The following DPYSL2 variants were observed in gnomAD, a reference collection of about 807,000 sequenced individuals.
DPYSL2 encodes dihydropyrimidinase-related protein 2.
Under a neutral mutation model 69.9 loss-of-function variants are expected in DPYSL2, and 13 were observed. That is an observed-to-expected ratio of 0.19 (90% CI 0.12 to 0.30). The LOEUF (loss-of-function observed/expected upper bound fraction) is 0.30. Ranked by LOEUF, DPYSL2 falls within the 10% of genes least tolerant of loss-of-function variation. The pLI is 1.00. For missense variants in DPYSL2, 587 were observed against 918.9 expected (o/e 0.64, Z 4.67); for synonymous variants, 326 against 359.1 (o/e 0.91, Z 1.04).
Position 26,548,458 on chromosome 8 carries a change from C to T in DPYSL2, c.355-33511C>T, listed in dbSNP as rs192892031. 3.0e-3 allele frequency: 480 copies of T among 157,652 alleles called. 1 individual carries two copies. Among genetic ancestry groups the T allele is most frequent in the African/African-American group, 0.01 (429 of 41,646 alleles). 9.8% of individuals were successfully genotyped at this position (157,652 alleles called of 1,614,324 possible). A position where few individuals can be genotyped will look rare whatever the true frequency, so the allele number is the denominator to read the frequency against. ...CTTATACTTTGTGTGGATTAAAAGACAATAATCAAGGCCTTTTCCTCTCAG... is the reference window on the plus strand; with the variant it reads ...CTTATACTTTGTGTGGATTAAAAGATAATAATCAAGGCCTTTTCCTCTCAG... On this transcript the variant is annotated intron_variant, in intron 1 of 13. Coordinates refer to ENST00000521913, the MANE Select transcript of DPYSL2 (RefSeq NM_001197293.3).
intron 3 of DPYSL2, among the ~76,000 whole-genome samples, chr8:26,594,557 C>T (rs569305541): frequency 1.3e-5 from 2 of 152,136 alleles, no homozygotes; most frequent in Non-Finnish European, 2.9e-5. Context: ...TCTGTCTGTA[C>T]CTATGGTCTA....
chr8:26,603,944 A>G (rs1478395597), intron 3 of DPYSL2, among the ~76,000 whole-genome samples: 1 of 152,196 alleles, frequency 6.6e-6, no homozygotes, highest in African/African-American at 2.4e-5. Flanking sequence ...TGCTATGAAC[A>G]TGAGTGTGCA....
chr8:26,514,144 G>C lies in DPYSL2; in HGVS notation c.-182G>C. On this transcript the variant is annotated 5_prime_UTR_variant, in exon 1 of 14. Coordinates refer to ENST00000521913, the MANE Select transcript of DPYSL2 (RefSeq NM_001197293.3). This position sits in a 1 kb window ranked among gnomAD's most constrained non-coding sequence, Gnocchi z 8.4. ...GCAGGGAGGGGAGAAGCGGGGTCAG[G>C]GGGAGGGACCGGGAGGGTGGGTCGC... The C allele has an allele frequency of 6.6e-6, 3 of 455,988 alleles. No homozygotes were observed. The highest frequency in any genetic ancestry group is 1.1e-5 in the Non-Finnish European group (3 of 271,252). The allele number at this position is 455,988 out of a possible 1,614,324, so 28.2% of individuals were successfully genotyped here.
intron 3 of DPYSL2, among the ~76,000 whole-genome samples, chr8:26,599,426 CTCTTTG>C (rs1181530024): frequency 6.6e-6 from 1 of 152,140 alleles, no homozygotes; most frequent in Non-Finnish European, 1.5e-5. Context: ...CTTTCTTCTC[CTCTTTG>C]TCTTTAAGGT....
Position 26,627,755 on chromosome 8 carries a change from AC to A in DPYSL2, c.937-116del. ...CATGAGGTCTTGGGATGAGGGCAGA[AC>A]GATCGGCAGTGGTAATTTTCCATCT... On this transcript the variant is annotated intron_variant, in intron 6 of 13. Transcript: ENST00000521913. This position sits in a 1 kb window ranked among gnomAD's most constrained non-coding sequence, Gnocchi z 6.9. 1 of 1,013,616 alleles carries A rather than the reference AC, an allele frequency of 9.9e-7. No homozygotes were observed. 62.8% of individuals were successfully genotyped at this position (1,013,616 alleles called of 1,614,324 possible).
rs1206929480 is a variant in DPYSL2, at chr8:26,580,076, T to A, written c.355-1893T>A. Among the ~76,000 whole-genome samples the A allele has an allele frequency of 2.0e-5, 3 of 150,640 alleles. No homozygotes were observed. The highest frequency in any genetic ancestry group is 4.4e-5 in the Non-Finnish European group (3 of 67,728). The stretch of plus-strand genomic sequence containing the variant: ...AAGAGCCTTCTGGAAGGCACTAGAG[T>A]GAACGGGGGTGTGGTGTTTCACTTT... On this transcript the variant is annotated intron_variant, in intron 1 of 13. Coordinates refer to ENST00000521913, the MANE Select transcript of DPYSL2 (RefSeq NM_001197293.3). The surrounding 1 kb of genome is among the most constrained non-coding windows in gnomAD (Gnocchi z 4.1).
chr8:26,514,315 G>A lies in DPYSL2; in HGVS notation c.-11G>A, dbSNP rs1808233708. The A allele has an allele frequency of 6.9e-7, 1 of 1,440,970 alleles. No individual in the cohort carries two copies. Among genetic ancestry groups the A allele is most frequent in the South Asian group, 1.4e-5 (1 of 69,598 alleles). The allele number at this position is 1,440,970 out of a possible 1,614,324, so 89.3% of individuals were successfully genotyped here. On this transcript the variant is annotated 5_prime_UTR_variant, in exon 1 of 14. Coordinates refer to ENST00000521913, the MANE Select transcript of DPYSL2 (RefSeq NM_001197293.3). The surrounding 1 kb of genome is among the most constrained non-coding windows in gnomAD (Gnocchi z 8.4). Reference sequence around the variant, plus strand: ...GACGGACGGCGAGGACCCTACCCGAGCCCCCGAGCCATGGCCGAGAGAAAG... The same window carrying A: ...GACGGACGGCGAGGACCCTACCCGAACCCCCGAGCCATGGCCGAGAGAAAG...
rs942213423 is a variant in DPYSL2 at position 26,517,251 on chromosome 8, A to G, written c.354+2572A>G. On this transcript the variant is annotated intron_variant, in intron 1 of 13. Coordinates refer to ENST00000521913, the MANE Select transcript of DPYSL2 (RefSeq NM_001197293.3). The surrounding 1 kb of genome is among the most constrained non-coding windows in gnomAD (Gnocchi z 4.2). ...GGGAGAGAATAGGCTTCCTTGACCC[A>G]CATGCCACATGGCTCATGGAAGATG... is the stretch of plus-strand genomic sequence containing the variant. 1.3e-5 allele frequency among the ~76,000 whole-genome samples: 2 copies of G among 152,210 alleles called. No individual in the cohort carries two copies. Among genetic ancestry groups the G allele is most frequent in the African/African-American group, 4.8e-5 (2 of 41,452 alleles).
At chr8:26,584,351 G>C (rs1801551020) in intron 3 of DPYSL2, among the ~76,000 whole-genome samples, 1 of 152,158 alleles carries the variant, frequency 6.6e-6, no homozygotes, top group Non-Finnish European at 1.5e-5. Flanking sequence ...ATAAGTATTT[G>C]ATTGAGATTT....
At chr8:26,539,679 A>G (rs964872910) in intron 1 of DPYSL2, among the ~76,000 whole-genome samples, 2 of 152,152 alleles carry the variant, frequency 1.3e-5, no homozygotes, top group Non-Finnish European at 2.9e-5. Flanking sequence ...AGCTGGGACT[A>G]CAGGGATGCA....
Position 26,605,312 on chromosome 8 carries a change from A to G in DPYSL2, c.629-18831A>G, listed in dbSNP as rs955904938. 7.3e-5 allele frequency among the ~76,000 whole-genome samples: 11 copies of G among 150,910 alleles called. No homozygotes were observed. The highest frequency in any genetic ancestry group is 2.4e-4 in the African/African-American group (10 of 41,112). On this transcript the variant is annotated intron_variant, in intron 3 of 13. Transcript: ENST00000521913. This position sits in a 1 kb window ranked among gnomAD's most constrained non-coding sequence, Gnocchi z 4.1. ...GGGGAGAAAATATAAGATTATTACT[A>G]TTTTTTTTTATTGCCCAGGCTGGAG...
intron 3 of DPYSL2, among the ~76,000 whole-genome samples, chr8:26,594,442 C>T (rs1801812558): frequency 6.6e-6 from 1 of 152,116 alleles, no homozygotes; most frequent in South Asian, 2.1e-4. Context: ...AAATGATCGT[C>T]TACCAAATCT....
chr8:26,552,282 A>G (rs535374821), intron 1 of DPYSL2, among the ~76,000 whole-genome samples: 7 of 152,218 alleles, frequency 4.6e-5, no homozygotes, highest in Non-Finnish European at 8.8e-5. Context: ...CATATATTAG[A>G]AAAGAAGAAA....
chr8:26,521,171 T>A (rs1251667209), intron 1 of DPYSL2, among the ~76,000 whole-genome samples: 2 of 152,228 alleles, frequency 1.3e-5, no homozygotes, highest in Non-Finnish European at 2.9e-5. Context: ...CAGCTGGTGG[T>A]AACCTAGTAC....
intron 1 of DPYSL2, chr8:26,578,130 G>T (rs757523704): frequency 3.8e-6 from 6 of 1,564,268 alleles, no homozygotes; most frequent in Admixed American, 4.1e-5. Flanking sequence ...CCAGCGAAGC[G>T]GTTGCACCCT....
intron 1 of DPYSL2, among the ~76,000 whole-genome samples, chr8:26,539,488 C>T (rs1207224624): frequency 2.0e-5 from 3 of 152,206 alleles, no homozygotes; most frequent in Non-Finnish European, 4.4e-5. Flanking sequence ...CCACTACATA[C>T]ACAGTAACGT....
At chr8:26,630,410 G>A (rs916614654) in intron 7 of DPYSL2, among the ~76,000 whole-genome samples, 1 of 150,314 alleles carries the variant, frequency 6.7e-6, no homozygotes, top group Admixed American at 6.6e-5. Flanking sequence ...GCTTTGTTCC[G>A]CCCTGAAACA....
chr8:26,654,066 G>C lies in DPYSL2; in HGVS notation c.1942+669G>C, dbSNP rs1272414077. ...ACAGTATATTGTAGTTTAGCTTGTG[G>C]AGTTTGGAGTTTCAACAGCCTAACT... On this transcript the variant is annotated intron_variant, in intron 13 of 13. Transcript: ENST00000521913. The surrounding 1 kb of genome is among the most constrained non-coding windows in gnomAD (Gnocchi z 5.0). Among the ~76,000 whole-genome samples the C allele has an allele frequency of 6.6e-6, 1 of 152,150 alleles. No homozygotes were observed. Among genetic ancestry groups the C allele is most frequent in the African/African-American group, 2.4e-5 (1 of 41,404 alleles).
chr8:26,628,162 G>C (rs1339303671), intron 7 of DPYSL2, among the ~76,000 whole-genome samples: 1 of 152,238 alleles, frequency 6.6e-6, no homozygotes, highest in African/African-American at 2.4e-5. Context: ...TTCGCCAGAA[G>C]ATTCTTCTTT....
Sources: gnomAD v4.1 joint callset for allele counts (sites outside exome capture counted in the v4.1 genomes callset) on GRCh38, gnomAD v4.1.1 for gene constraint, Gnocchi (gnomAD v3.1) non-coding constraint, MANE v1.5 for transcripts, NCBI Gene and HGNC (gene_info 2026-07-23, HGNC 2026-07-21) for gene names.